The following MACF1 variants were observed in gnomAD, a reference collection of about 807,000 sequenced individuals.
The protein encoded by MACF1 is microtubule actin crosslinking factor 1.
MACF1 carries 193 observed loss-of-function variants against 854.8 expected under a neutral mutation model. The observed-to-expected ratio is 0.23, with a 90% CI of 0.20 to 0.25. MACF1 has a LOEUF of 0.25. MACF1 is among the 10% of genes least tolerant of loss of function. The pLI is 1.00. For synonymous variants in MACF1, 3,185 were observed against 3,226.7 expected (o/e 0.99, Z 0.44); for missense variants, 7,722 against 8,929.1 (o/e 0.86, Z 5.45).
intron 2 of MACF1, among the ~76,000 whole-genome samples, chr1:39,246,360 T>C (rs934466037): frequency 1.3e-5 from 2 of 152,262 alleles, no homozygotes; most frequent in Admixed American, 6.5e-5. Flanking sequence ...ACTTCTTTGC[T>C]GCCATTTTAA....
intron 2 of MACF1, among the ~76,000 whole-genome samples, chr1:39,135,229 G>GT (rs946857210): frequency 3.3e-5 from 5 of 152,044 alleles, no homozygotes; most frequent in East Asian, 1.9e-4. Flanking sequence ...TTATTTTTGG[G>GT]TTTTTTTGAC....
intron 58 of MACF1, chr1:39,411,103 G>T: frequency 6.2e-7 from 1 of 1,613,548 alleles, no homozygotes; most frequent in East Asian, 2.2e-5. Flanking sequence ...CCCCCTTGGG[G>T]ACACAGCCTG....
At chr1:39,106,684 T>C (rs1436178542) in intron 2 of MACF1, among the ~76,000 whole-genome samples, 1 of 152,124 alleles carries the variant, frequency 6.6e-6, no homozygotes, top group Non-Finnish European at 1.5e-5. Context: ...AGTTTCTTTT[T>C]ATCTGAAGGA....
chr1:39,435,961 A>G (rs1464149733), intron 70 of MACF1, 200 bp downstream of exon 70: 4 of 572,190 alleles, frequency 7.0e-6, no homozygotes, highest in Non-Finnish European at 1.2e-5. Context: ...GGAGAGTGAA[A>G]TGAGTCTTGG....
chr1:39,281,672 A>G (rs1031729008), intron 6 of MACF1, among the ~76,000 whole-genome samples: 1 of 152,148 alleles, frequency 6.6e-6, no homozygotes, highest in Non-Finnish European at 1.5e-5. Flanking sequence ...TTTCTAAAGC[A>G]TAACTTTTTA....
At position 39,386,370 on chromosome 1, in the gene MACF1, C is replaced by G. The variant is rs550696509; in HGVS notation, c.14344+441C>G. Among the ~76,000 whole-genome samples the G allele has an allele frequency of 2.0e-5, 3 of 152,068 alleles. No homozygotes were observed. The South Asian group carries it at 6.2e-4, about 32-fold the overall frequency. Reference sequence around the variant, plus strand: ...CAATCTCCTGGGCTCAAGTGAACCTCCCACCTCAGCCTCCCAAGTAGCTGG... The same window carrying G: ...CAATCTCCTGGGCTCAAGTGAACCTGCCACCTCAGCCTCCCAAGTAGCTGG... On this transcript the variant is annotated intron_variant, in intron 57 of 100. Coordinates refer to ENST00000564288, the MANE Select transcript of MACF1 (RefSeq NM_001394062.1).
chr1:39,247,485 G>A (rs1206875743), intron 2 of MACF1, among the ~76,000 whole-genome samples: 1 of 152,098 alleles, frequency 6.6e-6, no homozygotes, highest in East Asian at 1.9e-4. Flanking sequence ...CTGCATGTTA[G>A]TATTGTCTGT....
intron 2 of MACF1, among the ~76,000 whole-genome samples, chr1:39,232,528 C>T (rs1329456370): frequency 1.3e-5 from 2 of 152,078 alleles, no homozygotes; most frequent in African/African-American, 2.4e-5. Flanking sequence ...GATGGTGTTC[C>T]CCAGGATCCT....
At chr1:39,483,043 T>TG (rs894650442) in intron 99 of MACF1, among the ~76,000 whole-genome samples, 5 of 126,206 alleles carry the variant, frequency 4.0e-5, no homozygotes, top group African/African-American at 1.6e-4. Flanking sequence ...CCATGAAGTA[T>TG]GCCACTGTGC....
chr1:39,279,020 T>C (rs1288676397), intron 6 of MACF1, among the ~76,000 whole-genome samples: 1 of 152,236 alleles, frequency 6.6e-6, no homozygotes, highest in Non-Finnish European at 1.5e-5. Context: ...TTTTGTTGCT[T>C]TAGAATATCT....
At position 39,451,072 on chromosome 1, in the gene MACF1, C is replaced by A; in HGVS notation, c.20279C>A (p.Ala6760Asp). The A allele has an allele frequency of 1.2e-6, 2 of 1,613,832 alleles. No individual in the cohort carries two copies. Among genetic ancestry groups the A allele is most frequent in the Non-Finnish European group, 1.7e-6 (2 of 1,179,892 alleles). ...SVERQHKLEE[A>D]LLFSGQFMDA... ...CTCAGGCAGCACAAGTTGGAGGAAGCCCTGCTCTTTTCGGGTCAGTTCATG... is the reference window on the plus strand; with the variant it reads ...CTCAGGCAGCACAAGTTGGAGGAAGACCTGCTCTTTTCGGGTCAGTTCATG... The change falls in exon 85 of 101, where the codon GCC (alanine) becomes GAC (aspartate). Residue 6760 changes from alanine to aspartate, a missense_variant. Physicochemically the swap from Ala to Asp is moderately radical, Grantham distance 126. Coordinates refer to ENST00000564288, the MANE Select transcript of MACF1 (RefSeq NM_001394062.1).
Position 39,331,189 on chromosome 1 carries a change from T to C in MACF1, c.4615-14T>C. 7.4e-7 allele frequency: 1 copy of C among 1,358,890 alleles called. No individual in the cohort carries two copies. Among genetic ancestry groups the C allele is most frequent in the Non-Finnish European group, 9.5e-7 (1 of 1,054,734 alleles). 84.2% of individuals were successfully genotyped at this position (1,358,890 alleles called of 1,614,324 possible). On this transcript the variant is annotated splice_polypyrimidine_tract_variant and intron_variant, in intron 36 of 100. Coordinates refer to ENST00000564288, the MANE Select transcript of MACF1 (RefSeq NM_001394062.1). ...CTCTTTTCCTTTTTTTTTTTTTTTT[T>C]TTTTTTTTTTTAGGAATGCAGAGCA...
At chr1:39,397,374 C>CA (rs2148586973) in intron 58 of MACF1, among the ~76,000 whole-genome samples, 1 of 152,186 alleles carries the variant, frequency 6.6e-6, no homozygotes, top group Non-Finnish European at 1.5e-5. Context: ...CCAGCCTGGT[C>CA]AACATGGTGA....
At position 39,112,501 on chromosome 1, in the gene MACF1, A is replaced by G. The variant is rs1571054776; in HGVS notation, c.220+28063A>G. 2.0e-5 allele frequency among the ~76,000 whole-genome samples: 3 copies of G among 151,882 alleles called. No homozygotes were observed. The South Asian group carries it at 6.2e-4, about 31-fold the overall frequency. Reference sequence around the variant, plus strand: ...AGTTCGAGACCAGTCAACACGGTGAAACCCTGTCTCTACTAAAAATACAAA... The same window carrying G: ...AGTTCGAGACCAGTCAACACGGTGAGACCCTGTCTCTACTAAAAATACAAA... On this transcript the variant is annotated intron_variant, in intron 2 of 93. Transcript: ENST00000361689.
chr1:39,318,303 C>G (rs1646452248), intron 29 of MACF1, 150 bp from the exon 30 acceptor site: 1 of 648,716 alleles, frequency 1.5e-6, no homozygotes, highest in Non-Finnish European at 2.6e-6. Context: ...ATAGGTCTCA[C>G]TCAGCCTTGC....
chr1:39,365,682 CTT>C (rs960056817), intron 49 of MACF1, among the ~76,000 whole-genome samples: 1 of 144,546 alleles, frequency 6.9e-6, no homozygotes. Flanking sequence ...TCTTTTTTTT[CTT>C]TTTTTTTTTG....
chr1:39,227,293 C>T (rs1203924173), intron 1 of MACF1, among the ~76,000 whole-genome samples: 2 of 151,978 alleles, frequency 1.3e-5, no homozygotes, highest in East Asian at 3.8e-4. Context: ...TTTCTTTTAC[C>T]AATCTTCTAA....
At chr1:39,214,498 GGAA>G (rs1644552373) in intron 1 of MACF1, among the ~76,000 whole-genome samples, 1 of 152,224 alleles carries the variant, frequency 6.6e-6, no homozygotes, top group Admixed American at 6.5e-5. Context: ...GGAGGATCTG[GGAA>G]GAAGAAGGGG....
At chr1:39,337,357 A>G (rs1646829787) in intron 38 of MACF1, 26 bp downstream of exon 38, 2 of 1,608,906 alleles carry the variant, frequency 1.2e-6, no homozygotes, top group Admixed American at 3.4e-5. Context: ...CTTCCACCAC[A>G]GACACCAGCT....
Sources: gnomAD v4.1 joint callset for allele counts (sites outside exome capture counted in the v4.1 genomes callset) on GRCh38, gnomAD v4.1.1 for gene constraint, MANE v1.5 for transcripts, NCBI Gene and HGNC (gene_info 2026-07-23, HGNC 2026-07-21) for gene names.